The following LRP6 variants were observed in gnomAD, a reference collection of about 807,000 sequenced individuals.
LRP6 encodes the protein LDL receptor related protein 6.
LRP6 carries 43 observed loss-of-function variants against 184.1 expected under a neutral mutation model. The observed-to-expected ratio is 0.23, with a 90% CI of 0.18 to 0.30. LRP6 has a LOEUF of 0.30. Ranked by LOEUF, LRP6 falls within the 10% of genes least tolerant of loss-of-function variation. The pLI is 1.00. For missense variants in LRP6, 1,571 were observed against 2,005.3 expected, an observed-to-expected ratio of 0.78 and a Z score of 4.14; for synonymous variants, 719 against 684.9, an observed-to-expected ratio of 1.05 and a Z score of -0.78.
rs1200932704 is a variant in LRP6 at position 12,118,562 on chromosome 12, C to A, written c.*2564G>T. The A allele has an allele frequency of 6.6e-6, 1 of 152,134 alleles. No homozygotes were observed. The highest frequency in any genetic ancestry group is 1.5e-5 in the Non-Finnish European group (1 of 68,012). 9.4% of individuals were successfully genotyped at this position (152,134 alleles called of 1,614,324 possible). On this transcript the variant is annotated 3_prime_UTR_variant, in exon 23 of 23. Coordinates refer to ENST00000261349, the MANE Select transcript of LRP6 (RefSeq NM_002336.3). The stretch of plus-strand genomic sequence containing the variant: ...TTCTTTTTTCCCCCTAATTTGTGAT[C>A]TCATGCTTTTCCTCTCAACTTTTCC...
At chr12:12,247,319 A>G (rs372110931) in intron 1 of LRP6, among the ~76,000 whole-genome samples, 1 of 152,218 alleles carries the variant, frequency 6.6e-6, no homozygotes, top group Non-Finnish European at 1.5e-5. Context: ...TTGGAAAACT[A>G]TATCAAAGCT....
intron 7 of LRP6, among the ~76,000 whole-genome samples, chr12:12,176,360 C>T (rs904108801): frequency 1.3e-5 from 2 of 152,260 alleles, no homozygotes; most frequent in Non-Finnish European, 2.9e-5. Flanking sequence ...GCCACTATCA[C>T]CTGACAAGTA....
At chr12:12,219,404 C>G (rs1864429424) in intron 2 of LRP6, among the ~76,000 whole-genome samples, 1 of 152,112 alleles carries the variant, frequency 6.6e-6, no homozygotes, top group South Asian at 2.1e-4. Flanking sequence ...TGAGGTTTCC[C>G]ATGTTGGCCA....
At chr12:12,223,188 A>C (rs1244715085) in intron 2 of LRP6, among the ~76,000 whole-genome samples, 1 of 151,548 alleles carries the variant, frequency 6.6e-6, no homozygotes, top group African/African-American at 2.4e-5. Context: ...AAAAAAAAAA[A>C]AAAAAAACCA....
At chr12:12,169,307 T>C (rs1329260433) in intron 7 of LRP6, among the ~76,000 whole-genome samples, 2 of 152,098 alleles carry the variant, frequency 1.3e-5, no homozygotes, top group Non-Finnish European at 2.9e-5. Context: ...AGTCTCACAC[T>C]GGTTCAGATC....
chr12:12,250,784 G>A lies in LRP6; in HGVS notation c.56-6129C>T, dbSNP rs144605258. On this transcript the variant is annotated intron_variant, in intron 1 of 22. Coordinates refer to ENST00000261349, the MANE Select transcript of LRP6 (RefSeq NM_002336.3). ...ACTACAGGCGCCCAACACCACACCC[G>A]GCTAATTTTTGTATTTTTAGTAGAG... 3.1e-3 allele frequency among the ~76,000 whole-genome samples: 465 copies of A among 151,096 alleles called. 3 individuals carry two copies. Among genetic ancestry groups the A allele is most frequent in the African/African-American group, 0.011 (435 of 41,044 alleles).
At chr12:12,135,430 C>CT (rs893672913) in intron 16 of LRP6, 130 bp from the exon 17 acceptor site, 307 of 486,258 alleles carry the variant, frequency 6.3e-4, no homozygotes, top group Middle Eastern at 1.6e-3. Context: ...AGCTTGGACT[C>CT]TTTTTTTTTA....
intron 5 of LRP6, among the ~76,000 whole-genome samples, chr12:12,183,755 T>G (rs1863400809): frequency 6.6e-6 from 1 of 152,166 alleles, no homozygotes; most frequent in Non-Finnish European, 1.5e-5. Flanking sequence ...ACACGTAACT[T>G]TTTTCAAAAA....
chr12:12,235,002 G>T (rs1864895330), intron 2 of LRP6, among the ~76,000 whole-genome samples: 1 of 152,112 alleles, frequency 6.6e-6, no homozygotes, highest in East Asian at 1.9e-4. Flanking sequence ...GGAAAAAAGG[G>T]GGTAGGAGAT....
At chr12:12,133,466 G>A (rs1038710212) in intron 17 of LRP6, among the ~76,000 whole-genome samples, 13 of 151,956 alleles carry the variant, frequency 8.6e-5, no homozygotes, top group Admixed American at 8.5e-4. Flanking sequence ...CATGTGACCT[G>A]CCTGCTCACT....
chr12:12,135,472 C>A (rs1033782341), intron 16 of LRP6, among the ~76,000 whole-genome samples, 172 bp from the exon 17 acceptor site: 1 of 118,400 alleles, frequency 8.4e-6, no homozygotes, highest in Admixed American at 1.0e-4. Context: ...ACTTTTTTTA[C>A]TTTTATCATT....
intron 3 of LRP6, among the ~76,000 whole-genome samples, chr12:12,199,927 T>C (rs1863867678): frequency 8.6e-6 from 1 of 115,756 alleles, no homozygotes; most frequent in Non-Finnish European, 1.6e-5. Context: ...ATCATGCCAC[T>C]GCACTCCCAC....
intron 21 of LRP6, 25 bp downstream of exon 21, chr12:12,125,271 A>C: frequency 6.2e-7 from 1 of 1,613,554 alleles, no homozygotes; most frequent in African/African-American, 1.3e-5. Flanking sequence ...TGTATGTCGC[A>C]TTCAAAGGAA....
At chr12:12,175,892 T>C (rs78024436) in intron 7 of LRP6, among the ~76,000 whole-genome samples, 6,266 of 151,954 alleles carry the variant, frequency 0.041, 179 homozygotes, top group Middle Eastern at 0.17. Context: ...TTTAAGCTAA[T>C]AGTACATTCT....
chr12:12,205,047 A>T (rs1864016363), intron 2 of LRP6, among the ~76,000 whole-genome samples: 1 of 151,746 alleles, frequency 6.6e-6, no homozygotes, highest in South Asian at 2.1e-4. Flanking sequence ...GTTAATGAGG[A>T]GCCAGGAGTG....
chr12:12,170,451 T>G (rs533092461), intron 7 of LRP6, among the ~76,000 whole-genome samples: 13 of 129,990 alleles, frequency 1.0e-4, no homozygotes, highest in South Asian at 2.1e-4. Flanking sequence ...ACATTTATGG[T>G]TTTTTTTTTA....
At chr12:12,252,113 G>C (rs1865337987) in intron 1 of LRP6, among the ~76,000 whole-genome samples, 1 of 152,160 alleles carries the variant, frequency 6.6e-6, no homozygotes, top group Non-Finnish European at 1.5e-5. Context: ...TCAAACTCCT[G>C]ACCTCAAGTG....
At chr12:12,140,988 A>T (rs1949926378) in intron 15 of LRP6, among the ~76,000 whole-genome samples, 1 of 152,242 alleles carries the variant, frequency 6.6e-6, no homozygotes, top group Non-Finnish European at 1.5e-5. Context: ...AATTTTATTT[A>T]TTCCAGCAAA....
rs1949584195 is a variant in LRP6, at chr12:12,120,044, A to AT, written c.*1081_*1082insA. On this transcript the variant is annotated 3_prime_UTR_variant, in exon 23 of 23. Coordinates refer to ENST00000261349, the MANE Select transcript of LRP6 (RefSeq NM_002336.3). ...ATATATATATATATATATATATATAAATGATTTCGTACTGTGATATATGCT... is the reference window on the plus strand; with the variant it reads ...ATATATATATATATATATATATATAATATGATTTCGTACTGTGATATATGCT... The AT allele has an allele frequency of 9.5e-5, 7 of 73,582 alleles. No homozygotes were observed. Among genetic ancestry groups the AT allele is most frequent in the Admixed American group, 3.4e-4 (2 of 5,904 alleles). The allele number at this position is 73,582 out of a possible 1,614,324, so 4.6% of individuals were successfully genotyped here. A position where few individuals can be genotyped will look rare whatever the true frequency, so the allele number is the denominator to read the frequency against.
Sources: allele counts gnomAD v4.1 joint callset (sites outside exome capture counted in the v4.1 genomes callset), GRCh38; gene constraint gnomAD v4.1.1; transcripts MANE v1.5; gene names NCBI Gene and HGNC (gene_info 2026-07-23, HGNC 2026-07-21).